The following VCF2 variants were observed in gnomAD, a reference collection of about 807,000 sequenced individuals.
VCF2 encodes protein VCF2.
At chrX:55,151,713 T>G in the VCF2 span, among the ~76,000 whole-genome samples, 2 of 111,730 alleles carry the variant, frequency 1.8e-5, no homozygotes, top group Admixed American at 9.4e-5. Context: ...TGTTGTTAGA[T>G]TCTAGTCTTG....
the VCF2 span, among the ~76,000 whole-genome samples, chrX:55,144,050 AT>A: frequency 1.8e-5 from 2 of 111,590 alleles, no homozygotes; most frequent in African/African-American, 6.5e-5. Flanking sequence ...TATTATTATT[AT>A]TATTTTACTT....
At chrX:55,158,373 T>A in the VCF2 span, among the ~76,000 whole-genome samples, 2 of 111,866 alleles carry the variant, frequency 1.8e-5, no homozygotes, top group Non-Finnish European at 3.8e-5. Context: ...CTCCTTAGAA[T>A]GGTGGTTACT....
At chrX:55,143,580 G>A in the VCF2 span, 6 of 282,274 alleles carry the variant, frequency 2.1e-5, no homozygotes, top group Admixed American at 3.5e-4. Context: ...AAATTCTGAT[G>A]TTAGGAATGT....
the VCF2 span, chrX:55,146,057 A>G: frequency 8.3e-7 from 1 of 1,200,322 alleles, no homozygotes; most frequent in Non-Finnish European, 1.1e-6. Flanking sequence ...AACACAGTTT[A>G]GGTTGGAATA....
At chrX:55,144,649 T>C in the VCF2 span, among the ~76,000 whole-genome samples, 1 of 112,031 alleles carries the variant, frequency 8.9e-6, no homozygotes, top group Non-Finnish European at 1.9e-5. Flanking sequence ...GTGTTCATTT[T>C]CATATGTTAA....
chrX:55,160,986 G>A, the VCF2 span: 2 of 1,165,315 alleles, frequency 1.7e-6, no homozygotes, highest in African/African-American at 1.8e-5. Flanking sequence ...TGCAGGTCAT[G>A]AGAGCCGAGC....
chrX:55,160,780 A>G, the VCF2 span: 1 of 1,111,420 alleles, frequency 9.0e-7, no homozygotes, highest in Non-Finnish European at 1.2e-6. Context: ...TTTGAAAAAC[A>G]GAATGCTATT....
At chrX:55,159,976 A>C in the VCF2 span, among the ~76,000 whole-genome samples, 1 of 111,887 alleles carries the variant, frequency 8.9e-6, no homozygotes, top group Non-Finnish European at 1.9e-5. Context: ...AGAATGGCTG[A>C]GTTTACTCAT....
chrX:55,159,190 T>C, the VCF2 span: 1 of 1,209,381 alleles, frequency 8.3e-7, no homozygotes, highest in Non-Finnish European at 1.1e-6. Flanking sequence ...CTGGGTGGAA[T>C]GATGGTTGCC....
the VCF2 span, among the ~76,000 whole-genome samples, chrX:55,155,941 CTTT>C: frequency 2.8e-4 from 14 of 50,528 alleles, no homozygotes; most frequent in African/African-American, 3.3e-4. Flanking sequence ...TCTTCTTCTT[CTTT>C]TTTTTTTTTT....
At chrX:55,153,119 C>T in the VCF2 span, among the ~76,000 whole-genome samples, 1 of 111,357 alleles carries the variant, frequency 9.0e-6, no homozygotes. Flanking sequence ...TTGGTGTCTT[C>T]CGTCTCCCTA....
the VCF2 span, among the ~76,000 whole-genome samples, chrX:55,160,454 T>C: frequency 8.9e-6 from 1 of 112,817 alleles, no homozygotes; most frequent in Non-Finnish European, 1.9e-5. Context: ...AAGCGGAATG[T>C]TCATGAAACA....
the VCF2 span, chrX:55,146,327 CAGAA>C: frequency 8.5e-7 from 1 of 1,180,780 alleles, no homozygotes; most frequent in Non-Finnish European, 1.2e-6. Context: ...AGGAAAAAGA[CAGAA>C]AGGGGATTGC....
chrX:55,154,366 C>A, the VCF2 span, among the ~76,000 whole-genome samples: 2 of 112,339 alleles, frequency 1.8e-5, no homozygotes, highest in African/African-American at 6.5e-5. Flanking sequence ...AAATGTCTTA[C>A]CAGAATGCTT....
chrX:55,159,638 T>A, the VCF2 span, among the ~76,000 whole-genome samples: 1 of 112,214 alleles, frequency 8.9e-6, no homozygotes, highest in Non-Finnish European at 1.9e-5. Context: ...TGCCAGTGTC[T>A]ACTCTTAAGT....
At chrX:55,160,890 G>A in the VCF2 span, 1 of 1,157,393 alleles carries the variant, frequency 8.6e-7, no homozygotes, top group Non-Finnish European at 1.1e-6. Flanking sequence ...ATGTTCTTTC[G>A]GAGAAGGCTT....
chrX:55,160,856 G>C, the VCF2 span: 1 of 1,156,546 alleles, frequency 8.6e-7, no homozygotes, highest in Non-Finnish European at 1.1e-6. Flanking sequence ...GGGCTTGTAA[G>C]GCACTGACAA....
chrX:55,152,204 T>G, the VCF2 span, among the ~76,000 whole-genome samples: 1 of 112,226 alleles, frequency 8.9e-6, no homozygotes, highest in Non-Finnish European at 1.9e-5. Context: ...CTGTGCTTTC[T>G]TAAAACCCTG....
the VCF2 span, chrX:55,145,175 G>C: frequency 6.0e-6 from 2 of 334,373 alleles, no homozygotes; most frequent in Non-Finnish European, 7.8e-6. Flanking sequence ...GTGGACAGTT[G>C]TCCAACCCAC....
Sources: allele counts gnomAD v4.1 joint callset (sites outside exome capture counted in the v4.1 genomes callset), GRCh38; gene constraint gnomAD v4.1.1; transcripts MANE v1.5; gene names NCBI Gene and HGNC (gene_info 2026-07-23, HGNC 2026-07-21).